The following PHACTR3 variants were observed in gnomAD, a reference collection of about 807,000 sequenced individuals.
PHACTR3 encodes protein phosphatase 1, regulatory subunit 123.
PHACTR3 carries 16 observed loss-of-function variants against 66.8 expected under a neutral mutation model. That is an observed-to-expected ratio of 0.24 (90% CI 0.16 to 0.36). PHACTR3 has a LOEUF of 0.36. Among genes scored for constraint, PHACTR3 ranks in the 10% least tolerant of loss-of-function variants. The pLI is 1.00. For missense variants in PHACTR3, 647 were observed against 719.9 expected (o/e 0.90, Z 1.16); for synonymous variants, 323 against 292.1 (o/e 1.11, Z -1.08).
At chr20:59,627,486 C>A (rs1037317810) in intron 1 of PHACTR3, among the ~76,000 whole-genome samples, 2 of 152,120 alleles carry the variant, frequency 1.3e-5, no homozygotes, top group African/African-American at 4.8e-5. Flanking sequence ...GAGGTTCTGG[C>A]GGCAATGGGG....
chr20:59,801,852 G>A (rs971509553), intron 7 of PHACTR3, among the ~76,000 whole-genome samples: 2 of 152,232 alleles, frequency 1.3e-5, no homozygotes, highest in African/African-American at 4.8e-5. Context: ...TAATGTGCTT[G>A]AGAACATGAT....
At chr20:59,769,008 G>A (rs540931012) in intron 5 of PHACTR3, among the ~76,000 whole-genome samples, 78 of 152,318 alleles carry the variant, frequency 5.1e-4, no homozygotes, top group African/African-American at 1.7e-3. Context: ...GGAGGGATGA[G>A]TGAGGGGGCG....
intron 1 of PHACTR3, among the ~76,000 whole-genome samples, chr20:59,627,252 C>G (rs1361540179): frequency 6.6e-6 from 1 of 152,200 alleles, no homozygotes; most frequent in East Asian, 1.9e-4. Context: ...TGGGTTTGCC[C>G]TTCCTCCCTC....
intron 10 of PHACTR3, 140 bp downstream of exon 10, chr20:59,840,570 A>G: frequency 1.5e-6 from 2 of 1,331,986 alleles, no homozygotes; most frequent in Non-Finnish European, 2.0e-6. Flanking sequence ...CATCAGTTAA[A>G]TCAGGATATT....
At chr20:59,818,249 A>G (rs1046767876) in intron 8 of PHACTR3, among the ~76,000 whole-genome samples, 1 of 152,116 alleles carries the variant, frequency 6.6e-6, no homozygotes, top group African/African-American at 2.4e-5. Flanking sequence ...CATGCGCCTT[A>G]CTTTCCTCCT....
At chr20:59,694,821 G>A (rs531227808) in intron 1 of PHACTR3, among the ~76,000 whole-genome samples, 4 of 152,278 alleles carry the variant, frequency 2.6e-5, no homozygotes, top group Admixed American at 1.3e-4. Context: ...GCAGGGACAG[G>A]GGGAAATGCT....
rs1461557322 is a variant in PHACTR3, at chr20:59,675,560, T to G, written c.119-67547T>G. On this transcript the variant is annotated intron_variant, in intron 1 of 12. Transcript: ENST00000371015. ...TGCCTGGGTTCAGATGGTTATGGAG[T>G]AGGGGTCCTGGTTCAGACCCATGGC... is the stretch of plus-strand genomic sequence containing the variant. Among the ~76,000 whole-genome samples the G allele has an allele frequency of 2.0e-5, 3 of 152,112 alleles. No homozygotes were observed. In the East Asian group the frequency reaches 5.8e-4, roughly 29 times the overall value.
chr20:59,615,521 G>T (rs1256758972), intron 1 of PHACTR3, among the ~76,000 whole-genome samples: 1 of 152,208 alleles, frequency 6.6e-6, no homozygotes, highest in African/African-American at 2.4e-5. Flanking sequence ...GTCCCCTTCT[G>T]TGCTGTATCC....
At chr20:59,832,198 G>A (rs562086292) in intron 8 of PHACTR3, among the ~76,000 whole-genome samples, 2 of 152,296 alleles carry the variant, frequency 1.3e-5, no homozygotes, top group South Asian at 4.1e-4. Flanking sequence ...AGTAGCTGCT[G>A]ATCACATTCC....
intron 12 of PHACTR3, 56 bp downstream of exon 12, chr20:59,845,321 T>G: frequency 2.0e-6 from 2 of 1,025,582 alleles, no homozygotes; most frequent in South Asian, 3.0e-5. Flanking sequence ...CACACCGCCT[T>G]CCCCCGTCCC....
At chr20:59,819,797 G>A (rs1476907410) in intron 8 of PHACTR3, among the ~76,000 whole-genome samples, 2 of 151,536 alleles carry the variant, frequency 1.3e-5, no homozygotes, top group Non-Finnish European at 1.5e-5. Context: ...CACCTGGCTG[G>A]GCCGGTGCTG....
At chr20:59,649,637 G>T (rs2035395654) in intron 1 of PHACTR3, among the ~76,000 whole-genome samples, 1 of 152,116 alleles carries the variant, frequency 6.6e-6, no homozygotes, top group Non-Finnish European at 1.5e-5. Context: ...GAGCTTAGAT[G>T]CCAATACAGA....
chr20:59,604,569 C>G lies in PHACTR3; in HGVS notation c.-446C>G, dbSNP rs1365208477. 2.3e-6 allele frequency: 2 copies of G among 871,550 alleles called. No homozygotes were observed. Among genetic ancestry groups the G allele is most frequent in the Non-Finnish European group, 2.7e-6 (2 of 743,106 alleles). 54.0% of individuals were successfully genotyped at this position (871,550 alleles called of 1,614,324 possible). ...TAAAGCAATTGCAAGAGCAAAGATT[C>G]TTCCTTTTCCCTTTTTTCCTGGGGG... On this transcript the variant is annotated 5_prime_UTR_variant, in exon 1 of 13. Coordinates refer to ENST00000371015, the MANE Select transcript of PHACTR3 (RefSeq NM_080672.5).
intron 1 of PHACTR3, among the ~76,000 whole-genome samples, chr20:59,658,489 A>G (rs148982501): frequency 4.6e-5 from 7 of 152,208 alleles, no homozygotes; most frequent in African/African-American, 1.4e-4. Flanking sequence ...GTTTTGTGAC[A>G]GGAATAGGCT....
intron 4 of PHACTR3, among the ~76,000 whole-genome samples, chr20:59,763,626 T>C (rs898343297): frequency 6.6e-6 from 1 of 152,158 alleles, no homozygotes; most frequent in Non-Finnish European, 1.5e-5. Context: ...AGAGAAATGG[T>C]CCAGGGTTAA....
chr20:59,660,701 C>T (rs1241123020), intron 1 of PHACTR3, among the ~76,000 whole-genome samples: 1 of 152,214 alleles, frequency 6.6e-6, no homozygotes, highest in Non-Finnish European at 1.5e-5. Context: ...ACTTCATCTC[C>T]ATAATCTGGA....
chr20:59,627,333 C>T (rs1055241588), intron 1 of PHACTR3, among the ~76,000 whole-genome samples: 9 of 152,182 alleles, frequency 5.9e-5, no homozygotes, highest in East Asian at 3.8e-4. Flanking sequence ...CACCTAAGCC[C>T]GCCTGCAGCT....
intron 1 of PHACTR3, among the ~76,000 whole-genome samples, chr20:59,599,257 G>C (rs529274811): frequency 3.1e-4 from 47 of 152,174 alleles, no homozygotes; most frequent in Non-Finnish European, 5.1e-4. Flanking sequence ...TGTACTGGGA[G>C]ACTACGACCT....
chr20:59,641,849 T>G (rs1330569479), intron 1 of PHACTR3, among the ~76,000 whole-genome samples: 1 of 152,234 alleles, frequency 6.6e-6, no homozygotes, highest in African/African-American at 2.4e-5. Flanking sequence ...TATATACAAA[T>G]AAATTATGCA....
Sources: allele counts gnomAD v4.1 joint callset (sites outside exome capture counted in the v4.1 genomes callset), GRCh38; gene constraint gnomAD v4.1.1; transcripts MANE v1.5; gene names NCBI Gene and HGNC (gene_info 2026-07-23, HGNC 2026-07-21).